The following OPCML variants were observed in gnomAD, a reference collection of about 807,000 sequenced individuals.
OPCML encodes the protein opioid-binding protein/cell adhesion molecule.
A neutral mutation model predicts 37.8 loss-of-function variants in OPCML; 13 were observed. The ratio of observed to expected loss-of-function variants is 0.34; its 90% CI spans 0.22 to 0.55. OPCML has a LOEUF of 0.55. Among genes scored for constraint, OPCML ranks in the 20% least tolerant of loss-of-function variants. The pLI is 0.91. For missense variants in OPCML, 341 were observed against 435.6 expected (o/e 0.78, Z 1.93); for synonymous variants, 176 against 168.8 (o/e 1.04, Z -0.33).
At chr11:132,872,861 C>A (rs4936177) in intron 2 of OPCML, among the ~76,000 whole-genome samples, 1 of 151,982 alleles carries the variant, frequency 6.6e-6, no homozygotes, top group African/African-American at 2.4e-5. Context: ...TGGCTATTAG[C>A]TGAGTATCAT....
At chr11:132,983,097 C>T (rs1467634546) in intron 1 of OPCML, among the ~76,000 whole-genome samples, 1 of 152,196 alleles carries the variant, frequency 6.6e-6, no homozygotes, top group Admixed American at 6.5e-5. Flanking sequence ...TATGCTTGGT[C>T]TTCCACCACC....
intron 1 of OPCML, among the ~76,000 whole-genome samples, chr11:133,078,169 A>G (rs1205488138): frequency 6.6e-6 from 1 of 152,156 alleles, no homozygotes; most frequent in Non-Finnish European, 1.5e-5. Flanking sequence ...CTTGAGGTGC[A>G]CACCAAGCAG....
intron 1 of OPCML, among the ~76,000 whole-genome samples, chr11:133,295,197 A>G (rs1199319950): frequency 6.6e-6 from 1 of 152,222 alleles, no homozygotes; most frequent in African/African-American, 2.4e-5. Flanking sequence ...GTAAATAACC[A>G]AAGAGTAAAG....
chr11:133,362,561 C>T (rs1944446793), intron 1 of OPCML, among the ~76,000 whole-genome samples: 1 of 152,176 alleles, frequency 6.6e-6, no homozygotes, highest in African/African-American at 2.4e-5. Context: ...GCCACAATCG[C>T]CAGGGAAGAT....
chr11:133,318,787 A>G (rs1386013565), intron 1 of OPCML, among the ~76,000 whole-genome samples: 1 of 152,176 alleles, frequency 6.6e-6, no homozygotes, highest in Non-Finnish European at 1.5e-5. Flanking sequence ...CTGTAATCTC[A>G]GCACTTTGGG....
chr11:133,319,889 G>A (rs535827426), intron 1 of OPCML, among the ~76,000 whole-genome samples: 3 of 152,308 alleles, frequency 2.0e-5, no homozygotes, highest in African/African-American at 7.2e-5. Flanking sequence ...ATTTATTTGA[G>A]TAGTTCAGAA....
intron 1 of OPCML, among the ~76,000 whole-genome samples, chr11:133,168,562 T>A (rs938262888): frequency 6.6e-6 from 1 of 152,188 alleles, no homozygotes; most frequent in Non-Finnish European, 1.5e-5. Flanking sequence ...ATAAAATAAG[T>A]AAATATAAAA....
At chr11:133,263,892 TA>T (rs1243447702) in intron 1 of OPCML, among the ~76,000 whole-genome samples, 35 of 152,206 alleles carry the variant, frequency 2.3e-4, no homozygotes, top group Admixed American at 3.9e-4. Context: ...AGTTATTTTG[TA>T]AAAGTTCTCC....
At position 132,419,945 on chromosome 11, in the gene OPCML, C is replaced by A; in HGVS notation, c.*248G>T. 3 of 473,884 alleles carry A rather than the reference C, an allele frequency of 6.3e-6. No individual in the cohort carries two copies. Among genetic ancestry groups the A allele is most frequent in the South Asian group, 5.9e-5 (2 of 33,626 alleles). 29.4% of individuals were successfully genotyped at this position (473,884 alleles called of 1,614,324 possible). ...AAGGGTCAAGGTAGCAGGAGCAGAC[C>A]CCATTTTTGGACACACCAATGAATG... is the stretch of plus-strand genomic sequence containing the variant. On this transcript the variant is annotated 3_prime_UTR_variant, in exon 8 of 8. Transcript: ENST00000524381.
At chr11:132,929,209 G>T (rs1017824356) in intron 2 of OPCML, among the ~76,000 whole-genome samples, 9 of 151,708 alleles carry the variant, frequency 5.9e-5, no homozygotes, top group Admixed American at 5.3e-4. Context: ...ACTTTAGCTA[G>T]ATTGACTAAG....
At chr11:133,238,973 G>A (rs192424793) in intron 1 of OPCML, among the ~76,000 whole-genome samples, 256 of 152,142 alleles carry the variant, frequency 1.7e-3, no homozygotes, top group Non-Finnish European at 2.2e-3. Flanking sequence ...GATCATTATC[G>A]TCCTCACTCC....
intron 2 of OPCML, among the ~76,000 whole-genome samples, chr11:132,899,705 G>A (rs963178726): frequency 1.3e-5 from 2 of 152,092 alleles, no homozygotes; most frequent in Admixed American, 6.5e-5. Context: ...GGGATTTCCA[G>A]AGGAGACTGG....
At chr11:133,480,302 G>A (rs1182382156) in intron 1 of OPCML, among the ~76,000 whole-genome samples, 1 of 152,166 alleles carries the variant, frequency 6.6e-6, no homozygotes, top group Non-Finnish European at 1.5e-5. Flanking sequence ...TGACAGATGA[G>A]GAAACTGTGG....
chr11:133,390,984 A>G (rs1945162499), intron 1 of OPCML, among the ~76,000 whole-genome samples: 1 of 152,212 alleles, frequency 6.6e-6, no homozygotes, highest in Admixed American at 6.5e-5. Flanking sequence ...GCTTAAAAAC[A>G]AACGGCTCCA....
intron 1 of OPCML, among the ~76,000 whole-genome samples, chr11:133,034,149 A>G (rs1412746693): frequency 6.6e-6 from 1 of 152,156 alleles, no homozygotes; most frequent in Non-Finnish European, 1.5e-5. Flanking sequence ...CTATAGGGGT[A>G]AGCTGGCTCT....
intron 1 of OPCML, among the ~76,000 whole-genome samples, chr11:133,383,132 C>T (rs918625557): frequency 1.3e-5 from 2 of 152,136 alleles, no homozygotes; most frequent in African/African-American, 4.8e-5. Context: ...CCCTCCCTCC[C>T]TTTCCTGCCT....
At chr11:132,621,913 A>G (rs767891819) in intron 3 of OPCML, among the ~76,000 whole-genome samples, 5 of 152,200 alleles carry the variant, frequency 3.3e-5, no homozygotes, top group Non-Finnish European at 7.3e-5. Context: ...GACATGGAAT[A>G]CATTTTCCCT....
At chr11:133,354,312 G>GTGA (rs1944229013) in intron 1 of OPCML, among the ~76,000 whole-genome samples, 1 of 4,244 alleles carries the variant, frequency 2.4e-4, no homozygotes, top group African/African-American at 8.7e-4. Context: ...TGACGTGTTG[G>GTGA]TAGTGGTGGT....
intron 1 of OPCML, among the ~76,000 whole-genome samples, chr11:133,283,308 A>C (rs1435239313): frequency 1.3e-5 from 2 of 152,118 alleles, no homozygotes; most frequent in African/African-American, 2.4e-5. Flanking sequence ...GTAATGAATG[A>C]TAATGAGTTG....
Sources: gnomAD v4.1 joint callset for allele counts (sites outside exome capture counted in the v4.1 genomes callset) on GRCh38, gnomAD v4.1.1 for gene constraint, MANE v1.5 for transcripts, NCBI Gene and HGNC (gene_info 2026-07-23, HGNC 2026-07-21) for gene names.